MEI4: variants seen among roughly 807,000 people sequenced by gnomAD.
MEI4 encodes meiosis-specific protein MEI4.
MEI4 carries 27 observed loss-of-function variants against 31.4 expected under a neutral mutation model. The observed-to-expected ratio is 0.86, with a 90% confidence interval of 0.63 to 1.19. The LOEUF is 1.19. MEI4 is among the 50% of genes most tolerant of loss of function. The pLI, the probability that MEI4 is intolerant of heterozygous loss-of-function variation, is 0.00. For synonymous variants in MEI4, 122 were observed against 145.4 expected (o/e 0.84, Z 1.16); for missense variants, 329 against 398.9 (o/e 0.82, Z 1.49).
chr6:77,757,253 TA>T (rs1324317324), intron 2 of MEI4, among the ~76,000 whole-genome samples: 6 of 152,250 alleles, frequency 3.9e-5, no homozygotes, highest in Non-Finnish European at 8.8e-5. Flanking sequence ...TTCAGCTTGA[TA>T]TTTTGACTTT....
chr6:77,905,475 C>CTTTTTTTTTTTT (rs70974691), intron 4 of MEI4, among the ~76,000 whole-genome samples: 8 of 93,350 alleles, frequency 8.6e-5, no homozygotes, highest in South Asian at 4.5e-4. Context: ...AAATTTTCAG[C>CTTTTTTTTTTTT]TTTTTTTTTT....
At chr6:77,922,703 A>ATTGT (rs939973401) in intron 4 of MEI4, among the ~76,000 whole-genome samples, 4 of 151,680 alleles carry the variant, frequency 2.6e-5, no homozygotes, top group South Asian at 2.1e-4. Context: ...CTACTCTGGG[A>ATTGT]TTGTTTTATA....
In MEI4 at chr6:77,761,269, C is replaced by A. The variant is rs1352528433; in HGVS notation, c.372C>A (p.Ser124Arg). 1 of 1,232,654 alleles carries A rather than the reference C, an allele frequency of 8.1e-7. No individual in the cohort carries two copies. Among genetic ancestry groups the A allele is most frequent in the African/African-American group, 1.5e-5 (1 of 64,546 alleles). 76.4% of individuals were successfully genotyped at this position (1,232,654 alleles called of 1,614,324 possible). The change falls in exon 3 of 5, where the codon AGC (serine) becomes AGA (arginine). Residue 124 changes from serine (S) to arginine (R), a missense_variant. Physicochemically the swap from Ser to Arg is moderately radical, Grantham distance 110. Transcript: ENST00000684080. ...SSDLSQHFVE[S>R]CTPTHFPPLP... The stretch of plus-strand genomic sequence containing the variant: ...ACCTGTCCCAGCACTTTGTGGAAAG[C>A]TGTACCCCCACTCACTTTCCACCAC...
intron 2 of MEI4, among the ~76,000 whole-genome samples, chr6:77,723,199 C>T (rs1476868959): frequency 7.0e-6 from 1 of 143,854 alleles, no homozygotes; most frequent in Non-Finnish European, 1.5e-5. Context: ...GCCATATACC[C>T]CTGTAGGGAT....
At chr6:77,687,920 C>G (rs1323148533) in intron 1 of MEI4, among the ~76,000 whole-genome samples, 1 of 152,058 alleles carries the variant, frequency 6.6e-6, no homozygotes, top group African/African-American at 2.4e-5. Flanking sequence ...AGTCTTCAGT[C>G]CCTCTCATCT....
At chr6:77,878,411 G>A (rs1331578880) in intron 4 of MEI4, among the ~76,000 whole-genome samples, 1 of 151,906 alleles carries the variant, frequency 6.6e-6, no homozygotes, top group Non-Finnish European at 1.5e-5. Flanking sequence ...AATAACAAAC[G>A]AGTTTTTACG....
chr6:77,876,773 A>T (rs1238490516), intron 4 of MEI4, among the ~76,000 whole-genome samples: 1 of 152,142 alleles, frequency 6.6e-6, no homozygotes, highest in Non-Finnish European at 1.5e-5. Flanking sequence ...TATTAATTAA[A>T]CCCATTAAAA....
At chr6:77,731,799 T>A (rs1460133891) in intron 2 of MEI4, among the ~76,000 whole-genome samples, 1 of 152,042 alleles carries the variant, frequency 6.6e-6, no homozygotes, top group Non-Finnish European at 1.5e-5. Flanking sequence ...TTGAATTAAT[T>A]TTTGTATAAG....
intron 3 of MEI4, among the ~76,000 whole-genome samples, chr6:77,762,704 C>T (rs1768073186): frequency 6.6e-6 from 1 of 152,114 alleles, no homozygotes; most frequent in African/African-American, 2.4e-5. Context: ...GTTTCATGTA[C>T]AGCTGTTCTT....
chr6:77,732,578 G>A (rs986149576), intron 2 of MEI4, among the ~76,000 whole-genome samples: 1 of 151,752 alleles, frequency 6.6e-6, no homozygotes, highest in Admixed American at 6.6e-5. Context: ...TGCAAACAGG[G>A]ACAATTTGAC....
chr6:77,816,771 T>A (rs1297688941), intron 3 of MEI4, among the ~76,000 whole-genome samples: 1 of 152,226 alleles, frequency 6.6e-6, no homozygotes, highest in Admixed American at 6.6e-5. Context: ...CTGACTTGTA[T>A]GTTACTACTT....
intron 2 of MEI4, among the ~76,000 whole-genome samples, chr6:77,742,453 C>G (rs1767437004): frequency 6.6e-6 from 1 of 152,116 alleles, no homozygotes; most frequent in African/African-American, 2.4e-5. Context: ...CCTTTGCCCA[C>G]TTTTTGATGG....
intron 4 of MEI4, among the ~76,000 whole-genome samples, chr6:77,904,418 G>A (rs931636850): frequency 6.6e-6 from 1 of 151,970 alleles, no homozygotes; most frequent in African/African-American, 2.4e-5. Flanking sequence ...TAGGTAATAA[G>A]CATAGTACTC....
chr6:77,851,525 T>C (rs1770620382), intron 4 of MEI4, among the ~76,000 whole-genome samples: 1 of 150,156 alleles, frequency 6.7e-6, no homozygotes, highest in Non-Finnish European at 1.5e-5. Flanking sequence ...CAACAAACTA[T>C]CGCAAGGACA....
At chr6:77,908,407 T>C (rs1432295835) in intron 4 of MEI4, among the ~76,000 whole-genome samples, 1 of 152,182 alleles carries the variant, frequency 6.6e-6, no homozygotes, top group Non-Finnish European at 1.5e-5. Context: ...AAATAGGGAA[T>C]CGTTTCCCCA....
chr6:77,787,558 GC>G (rs1768776293), intron 3 of MEI4, among the ~76,000 whole-genome samples: 1 of 152,074 alleles, frequency 6.6e-6, no homozygotes, highest in Non-Finnish European at 1.5e-5. Flanking sequence ...ACAAGAGAAA[GC>G]TTTTATTGGC....
At chr6:77,801,780 C>T (rs377650847) in intron 3 of MEI4, among the ~76,000 whole-genome samples, 17 of 152,154 alleles carry the variant, frequency 1.1e-4, no homozygotes, top group East Asian at 3.9e-4. Context: ...TGTAGTTGAG[C>T]GGTTTTGAGT....
At chr6:77,798,662 T>G (rs1181947889) in intron 3 of MEI4, among the ~76,000 whole-genome samples, 1 of 107,810 alleles carries the variant, frequency 9.3e-6, no homozygotes, top group Non-Finnish European at 1.7e-5. Flanking sequence ...CCCACAACAG[T>G]CCCCAGAGTG....
chr6:77,659,858 G>T (rs1768469681), intron 1 of MEI4, among the ~76,000 whole-genome samples: 1 of 152,164 alleles, frequency 6.6e-6, no homozygotes, highest in Non-Finnish European at 1.5e-5. Context: ...ATTCCAGTGG[G>T]TCTCTGCCGA....
Sources: allele counts gnomAD v4.1 joint callset (sites outside exome capture counted in the v4.1 genomes callset), GRCh38; gene constraint gnomAD v4.1.1; transcripts MANE v1.5; gene names NCBI Gene and HGNC (gene_info 2026-07-23, HGNC 2026-07-21).